Variants in GPHN observed in about 807,000 individuals in gnomAD.
GPHN encodes gephyrin.
Under a neutral mutation model 95.5 loss-of-function variants are expected in GPHN, and 17 were observed. The observed-to-expected ratio is 0.18, with a 90% CI of 0.12 to 0.27. The LOEUF (loss-of-function observed/expected upper bound fraction) is 0.27. GPHN is among the 10% of genes least tolerant of loss of function. GPHN has a pLI of 1.00. For synonymous variants in GPHN, 320 were observed against 322.5 expected (o/e 0.99, Z 0.08); for missense variants, 660 against 978.1 (o/e 0.67, Z 4.34).
At chr14:67,205,776 C>T in the GPHN span, among the ~76,000 whole-genome samples, 1 of 152,132 alleles carries the variant, frequency 6.6e-6, no homozygotes, top group East Asian at 1.9e-4. Flanking sequence ...ACCGAAGTCT[C>T]CTGTGTAAGG....
chr14:66,522,300 T>C (rs2058515913), intron 1 of GPHN, among the ~76,000 whole-genome samples: 1 of 152,198 alleles, frequency 6.6e-6, no homozygotes, highest in African/African-American at 2.4e-5. Context: ...CTATGGGTCT[T>C]AGTCTTTTTT....
the GPHN span, chr14:67,338,690 T>G: frequency 6.2e-7 from 1 of 1,613,952 alleles, no homozygotes; most frequent in Non-Finnish European, 8.5e-7. Context: ...CCTCTCCAGC[T>G]GCTCTCCTTT....
chr14:66,645,155 A>C (rs975753731), intron 1 of GPHN, among the ~76,000 whole-genome samples: 2 of 152,140 alleles, frequency 1.3e-5, no homozygotes, highest in African/African-American at 4.8e-5. Context: ...AAATTCCTGA[A>C]TATTTAGGAA....
chr14:66,818,237 T>C (rs1000589656), intron 3 of GPHN, among the ~76,000 whole-genome samples: 2 of 152,122 alleles, frequency 1.3e-5, no homozygotes, highest in African/African-American at 2.4e-5. Flanking sequence ...CCATTAGTTA[T>C]ATTTCCTGCT....
At chr14:66,724,626 G>C (rs563024118) in intron 2 of GPHN, among the ~76,000 whole-genome samples, 2 of 152,234 alleles carry the variant, frequency 1.3e-5, no homozygotes, top group Non-Finnish European at 1.5e-5. Context: ...CTTTCCTTCA[G>C]GTATAGGTAG....
At chr14:67,574,132 G>T in the GPHN span, 1 of 960,776 alleles carries the variant, frequency 1.0e-6, no homozygotes, top group Admixed American at 2.8e-5. The surrounding 1 kb of genome is among the most constrained non-coding windows in gnomAD (Gnocchi z 4.2). Context: ...CACTAGGGCA[G>T]GCAGAAGGCC....
the GPHN span, among the ~76,000 whole-genome samples, chr14:67,218,599 C>G: frequency 1.5e-3 from 227 of 152,234 alleles, no homozygotes; most frequent in African/African-American, 5.2e-3. Context: ...GCATGTCCGT[C>G]AGGAGCAACC....
chr14:67,168,380 C>A (rs1038355262), intron 20 of GPHN, among the ~76,000 whole-genome samples: 2 of 152,158 alleles, frequency 1.3e-5, no homozygotes, highest in South Asian at 4.1e-4. Flanking sequence ...ATAGCTTTAT[C>A]ATATGAATTC....
chr14:67,644,345 C>G, the GPHN span, among the ~76,000 whole-genome samples: 1 of 152,152 alleles, frequency 6.6e-6, no homozygotes, highest in African/African-American at 2.4e-5. Context: ...GAAAAGGAAA[C>G]TGAAATCTAA....
chr14:67,156,609 G>C (rs924088975), intron 18 of GPHN, among the ~76,000 whole-genome samples: 2 of 152,092 alleles, frequency 1.3e-5, no homozygotes, highest in African/African-American at 2.4e-5. Flanking sequence ...AGGTATAGAA[G>C]AAGGAAAAAG....
the GPHN span, chr14:67,648,069 A>G: frequency 3.7e-6 from 6 of 1,613,184 alleles, no homozygotes; most frequent in Non-Finnish European, 3.4e-6. Context: ...AATCCATTTG[A>G]GTTTTGATAT....
At chr14:67,196,900 G>A in the GPHN span, 14 of 152,112 alleles carry the variant, frequency 9.2e-5, no homozygotes, top group Admixed American at 9.2e-4. Flanking sequence ...GTTTAGAATT[G>A]AAATTAGTTT....
intron 3 of GPHN, among the ~76,000 whole-genome samples, chr14:66,777,789 ACT>A (rs1325905803): frequency 7.9e-5 from 12 of 152,212 alleles, no homozygotes; most frequent in Non-Finnish European, 1.6e-4. Context: ...CATGCTAAAA[ACT>A]CTCAATAAAT....
chr14:67,722,551 C>A, the GPHN span: 1 of 1,068,166 alleles, frequency 9.4e-7, no homozygotes, highest in Non-Finnish European at 1.5e-6. Flanking sequence ...CAGAAGCAGC[C>A]AAGAGCTGGA....
At chr14:66,965,134 T>C (rs2069232958) in intron 8 of GPHN, 57 bp from the exon 9 acceptor site, 1 of 1,459,312 alleles carries the variant, frequency 6.9e-7, no homozygotes, top group Non-Finnish European at 9.6e-7. Flanking sequence ...GGGGTCTTGA[T>C]TCTACATGTT....
At chr14:67,555,680 A>T in the GPHN span, 1 of 1,179,946 alleles carries the variant, frequency 8.5e-7, no homozygotes, top group Non-Finnish European at 1.2e-6. Context: ...GAAAATCCTT[A>T]CCCTGACACT....
At chr14:66,525,491 G>C (rs1458499215) in intron 1 of GPHN, among the ~76,000 whole-genome samples, 1 of 152,168 alleles carries the variant, frequency 6.6e-6, no homozygotes, top group Non-Finnish European at 1.5e-5. Context: ...ATGCTCTTTA[G>C]TTTAATTAGA....
intron 4 of GPHN, among the ~76,000 whole-genome samples, chr14:66,850,743 C>A (rs777434363): frequency 2.0e-5 from 3 of 152,090 alleles, no homozygotes; most frequent in Non-Finnish European, 2.9e-5. Flanking sequence ...TGGAAAAACC[C>A]TCATGACATA....
At chr14:67,493,396 C>T in the GPHN span, among the ~76,000 whole-genome samples, 2 of 152,122 alleles carry the variant, frequency 1.3e-5, no homozygotes, top group African/African-American at 4.8e-5. Flanking sequence ...TTGTGCGGTC[C>T]AACCCCAGCC....
Sources: gnomAD v4.1 joint callset for allele counts (sites outside exome capture counted in the v4.1 genomes callset) on GRCh38, gnomAD v4.1.1 for gene constraint, Gnocchi (gnomAD v3.1) non-coding constraint, MANE v1.5 for transcripts, NCBI Gene and HGNC (gene_info 2026-07-23, HGNC 2026-07-21) for gene names.